CDH23: variants seen among roughly 807,000 people sequenced by gnomAD.
CDH23 encodes cadherin-23.
A neutral mutation model predicts 317.1 loss-of-function variants in CDH23; 189 were observed. That is an observed-to-expected ratio of 0.60 (90% CI 0.53 to 0.67). CDH23 has a LOEUF of 0.67. Among genes scored for constraint, CDH23 ranks in the 30% least tolerant of loss-of-function variants. The pLI, the probability that CDH23 is intolerant of heterozygous loss-of-function variation, is 0.00. For missense variants in CDH23, 4,401 were observed against 4,592.4 expected, an observed-to-expected ratio of 0.96 and a Z score of 1.20; for synonymous variants, 1,839 against 1,876.8, an observed-to-expected ratio of 0.98 and a Z score of 0.52.
chr10:71,723,960 G>T, intron 28 of CDH23, 85 bp from the exon 29 acceptor site: 3 of 1,474,406 alleles, frequency 2.0e-6, no homozygotes, highest in Non-Finnish European at 2.8e-6. Flanking sequence ...TAGGATGCGT[G>T]AAGGGAAGGA....
chr10:71,570,807 G>A lies in CDH23; in HGVS notation c.642G>A (p.Arg214=), dbSNP rs773456103. ...TCTCTAAGGATCAAGACAAGACCAGGCCTCTGTCCACCCTGGCCAACTTGG... is the reference window on the plus strand; with the variant it reads ...TCTCTAAGGATCAAGACAAGACCAGACCTCTGTCCACCCTGGCCAACTTGG... ...TVNATDQDKT[R]PLSTLANLAI... is the part of the protein sequence containing the mutation. The change falls in exon 8 of 70, where the codon AGG becomes AGA. Residue 214 remains arginine, a synonymous_variant. Transcript: ENST00000224721. 1 of 1,613,094 alleles carries A rather than the reference G, an allele frequency of 6.2e-7. No individual in the cohort carries two copies. The highest frequency in any genetic ancestry group is 1.7e-5 in the Admixed American group (1 of 59,868).
chr10:71,794,705 G>A (rs903072771), intron 48 of CDH23: 13 of 152,230 alleles, frequency 8.5e-5, no homozygotes, highest in African/African-American at 3.1e-4. Context: ...ACCGTGTGGG[G>A]ACATGGAAAC....
chr10:71,428,285 G>A lies in CDH23; in HGVS notation c.-5-11542G>A, dbSNP rs557105899. Among the ~76,000 whole-genome samples, 3 of 149,580 alleles carry A rather than the reference G, an allele frequency of 2.0e-5. No homozygotes were observed. In the East Asian group the frequency reaches 6.2e-4, roughly 31 times the overall value. On this transcript the variant is annotated intron_variant, in intron 1 of 69. Coordinates refer to ENST00000224721, the MANE Select transcript of CDH23 (RefSeq NM_022124.6). ...CCTGAGTAGCTGGAATTACAGGGAT[G>A]CATCACCAGGCCCAGCTAATTTTTG... is the stretch of plus-strand genomic sequence containing the variant.
intron 34 of CDH23, chr10:71,737,705 C>T (rs142977574): frequency 2.1e-6 from 1 of 470,698 alleles, no homozygotes; most frequent in South Asian, 1.5e-5. Context: ...CCCTCACACC[C>T]TCATCAGTGA....
intron 44 of CDH23, among the ~76,000 whole-genome samples, chr10:71,786,760 AGTGCTGGGATTACAG>A: frequency 6.6e-6 from 1 of 152,092 alleles, no homozygotes; most frequent in Non-Finnish European, 1.5e-5. Context: ...AGCCTCCCAA[AGTGCTGGGATTACAG>A]GTGTGAGCCA....
chr10:71,700,903 G>A (rs1865558147), intron 22 of CDH23, among the ~76,000 whole-genome samples: 2 of 152,202 alleles, frequency 1.3e-5, no homozygotes, highest in Non-Finnish European at 2.9e-5. Context: ...GCAGAGGAGG[G>A]ACAGATTCTG....
chr10:71,475,424 G>C (rs1382632133), intron 3 of CDH23, among the ~76,000 whole-genome samples: 2 of 152,206 alleles, frequency 1.3e-5, no homozygotes, highest in Admixed American at 1.3e-4. Context: ...TGAGCTCTTG[G>C]CTCCCGAGAG....
At chr10:71,765,611 T>A (rs774335591) in intron 38 of CDH23, among the ~76,000 whole-genome samples, 1 of 152,128 alleles carries the variant, frequency 6.6e-6, no homozygotes, top group African/African-American at 2.4e-5. Flanking sequence ...GGAAGGGATG[T>A]TCTCCCCTGG....
chr10:71,643,237 T>A (rs1862651374), intron 11 of CDH23, among the ~76,000 whole-genome samples: 3 of 152,150 alleles, frequency 2.0e-5, no homozygotes, highest in African/African-American at 7.2e-5. Context: ...AGGCATGGAT[T>A]TCCTGGGGAA....
chr10:71,645,590 C>T (rs1241605987), intron 12 of CDH23: 3 of 705,070 alleles, frequency 4.3e-6, no homozygotes, highest in Non-Finnish European at 7.8e-6. Flanking sequence ...ACACTGTGGG[C>T]ATCCGACAGC....
chr10:71,713,126 G>A (rs955650825), intron 28 of CDH23: 9 of 777,390 alleles, frequency 1.2e-5, no homozygotes, highest in Middle Eastern at 4.5e-4. Flanking sequence ...AGAAAGAGAC[G>A]TCACAATTTC....
chr10:71,760,964 GC>G, intron 38 of CDH23: 1 of 1,600,434 alleles, frequency 6.2e-7, no homozygotes, highest in African/African-American at 1.3e-5. Flanking sequence ...TGGGTGTCAG[GC>G]CCAGGAGGCC....
At chr10:71,685,260 G>C (rs753340076) in intron 18 of CDH23, among the ~76,000 whole-genome samples, 9 of 152,210 alleles carry the variant, frequency 5.9e-5, no homozygotes, top group Non-Finnish European at 1.0e-4. Flanking sequence ...TGATGTGGAT[G>C]CTTCTGGTCA....
intron 11 of CDH23, among the ~76,000 whole-genome samples, chr10:71,620,847 C>T (rs1012560894): frequency 2.0e-5 from 3 of 152,214 alleles, no homozygotes; most frequent in African/African-American, 7.2e-5. Context: ...TCATGTGGCA[C>T]CGGGCTCATT....
At chr10:71,739,935 G>C (rs1839688303) in intron 36 of CDH23, among the ~76,000 whole-genome samples, 163 bp downstream of exon 36, 1 of 152,220 alleles carries the variant, frequency 6.6e-6, no homozygotes, top group African/African-American at 2.4e-5. Flanking sequence ...GGGGCCAAGA[G>C]CACAGTGAGG....
rs577498846 is a variant in CDH23, at chr10:71,575,026, C to T, written c.754-2888C>T. On this transcript the variant is annotated intron_variant, in intron 8 of 69. Coordinates refer to ENST00000224721, the MANE Select transcript of CDH23 (RefSeq NM_022124.6). ...GAGCCTCGGTTTGCTCACACATACC[C>T]CCATGTGAGGAAAGAGAGAGAGGGG... 7.2e-5 allele frequency among the ~76,000 whole-genome samples: 11 copies of T among 152,278 alleles called. No individual in the cohort carries two copies. The East Asian group carries it at 2.1e-3, about 29-fold the overall frequency.
intron 14 of CDH23, among the ~76,000 whole-genome samples, chr10:71,654,579 C>T (rs2132617415): frequency 6.6e-6 from 1 of 152,304 alleles, no homozygotes; most frequent in East Asian, 1.9e-4. Context: ...CCTTCTCTTT[C>T]CTTGGGATCT....
At chr10:71,531,446 G>A (rs1172813131) in intron 6 of CDH23, among the ~76,000 whole-genome samples, 1 of 152,166 alleles carries the variant, frequency 6.6e-6, no homozygotes, top group East Asian at 1.9e-4. Flanking sequence ...ATTCTAAGAT[G>A]CCCATTTGCC....
chr10:71,566,142 G>T (rs1390452400), intron 6 of CDH23, among the ~76,000 whole-genome samples: 1 of 152,158 alleles, frequency 6.6e-6, no homozygotes, highest in Non-Finnish European at 1.5e-5. Context: ...GGGGCGCCCT[G>T]CATCTGCCTC....
Sources: allele counts gnomAD v4.1 joint callset (sites outside exome capture counted in the v4.1 genomes callset), GRCh38; gene constraint gnomAD v4.1.1; transcripts MANE v1.5; gene names NCBI Gene and HGNC (gene_info 2026-07-23, HGNC 2026-07-21).